Variants in C8orf74 observed in about 807,000 individuals in gnomAD.
C8orf74 encodes uncharacterized protein C8orf74.
C8orf74 carries 29 observed loss-of-function variants against 22.2 expected under a neutral mutation model. The observed-to-expected ratio is 1.31, with a 90% CI of 0.97 to 1.78. The LOEUF (loss-of-function observed/expected upper bound fraction) is 1.78, where lower values mean the gene tolerates loss of function less well. Ranked by LOEUF, C8orf74 falls within the 40% of genes most tolerant of loss-of-function variation. The probability of loss-of-function intolerance (pLI) is 0.00; values close to 1 mark genes in which losing one functional copy is unlikely to be tolerated. For synonymous variants in C8orf74, 255 were observed against 163.1 expected, an observed-to-expected ratio of 1.56 and a Z score of -4.30; for missense variants, 515 against 369.9, an observed-to-expected ratio of 1.39 and a Z score of -3.22.
chr8:10,680,405 T>C (rs1231497076), intron 2 of C8orf74, among the ~76,000 whole-genome samples: 1 of 152,148 alleles, frequency 6.6e-6, no homozygotes, highest in Non-Finnish European at 1.5e-5. Flanking sequence ...ACATAGTAAG[T>C]GCTTAATCAA....
At chr8:10,697,364 G>T (rs1799541896) in intron 2 of C8orf74, among the ~76,000 whole-genome samples, 1 of 152,164 alleles carries the variant, frequency 6.6e-6, no homozygotes, top group Non-Finnish European at 1.5e-5. Context: ...GAGCCTGGAA[G>T]TTGGCGGCTG....
At chr8:10,675,952 C>A (rs1013671079) in intron 2 of C8orf74, 6 of 152,144 alleles carry the variant, frequency 3.9e-5, no homozygotes, top group Non-Finnish European at 7.3e-5. Flanking sequence ...CTGTGGAAAC[C>A]AGAGTGTGGT....
intron 2 of C8orf74, among the ~76,000 whole-genome samples, chr8:10,694,101 C>G (rs1345629422): frequency 1.3e-5 from 2 of 152,176 alleles, no homozygotes; most frequent in African/African-American, 2.4e-5. Context: ...TCTAAGAGGA[C>G]CCGGTCCTGA....
chr8:10,699,526 G>T (rs1388221212), intron 3 of C8orf74, among the ~76,000 whole-genome samples: 2 of 152,242 alleles, frequency 1.3e-5, no homozygotes, highest in Non-Finnish European at 2.9e-5. Context: ...TATGCTGTGT[G>T]GTTGCTCGGG....
At chr8:10,687,328 T>C (rs1483151627) in intron 2 of C8orf74, 1 of 316,280 alleles carries the variant, frequency 3.2e-6, no homozygotes, top group Non-Finnish European at 6.3e-6. Flanking sequence ...TGCAATGGTT[T>C]TTATTAAAAG....
At chr8:10,695,202 C>T (rs1191264780) in intron 2 of C8orf74, among the ~76,000 whole-genome samples, 1 of 152,150 alleles carries the variant, frequency 6.6e-6, no homozygotes, top group African/African-American at 2.4e-5. Flanking sequence ...AGCTGGACAT[C>T]TTACCCCATT....
At chr8:10,682,750 C>T (rs533469202) in intron 2 of C8orf74, among the ~76,000 whole-genome samples, 4 of 152,316 alleles carry the variant, frequency 2.6e-5, no homozygotes, top group East Asian at 3.9e-4. Flanking sequence ...CACCACTCCT[C>T]GGGTGAGCCG....
Position 10,697,973 on chromosome 8 carries a change from C to T in C8orf74, c.616C>T (p.Pro206Ser), listed in dbSNP as rs1304232528. 2.0e-6 allele frequency: 3 copies of T among 1,515,080 alleles called. No homozygotes were observed. The highest frequency in any genetic ancestry group is 2.6e-6 in the Non-Finnish European group (3 of 1,134,580). 93.9% of individuals were successfully genotyped at this position (1,515,080 alleles called of 1,614,324 possible). A position where few individuals can be genotyped will look rare whatever the true frequency, so the allele number is the denominator to read the frequency against. The change falls in exon 3 of 4, where the codon CCT becomes TCT. Residue 206 changes from proline to serine, a missense_variant. Physicochemically the swap from Pro to Ser is moderately conservative, Grantham distance 74. Transcript: ENST00000304519. The stretch of plus-strand genomic sequence containing the variant: ...GCAGAAGGCGTTCGCTGCCGCCGCG[C>T]CTGCGCAGCCCGGCCAGGTCCTGGA... ...SLQKAFAAAA[P>S]AQPGQVLERQ... is the part of the protein sequence containing the mutation.
intron 2 of C8orf74, among the ~76,000 whole-genome samples, chr8:10,680,188 A>G (rs930086444): frequency 2.6e-5 from 4 of 152,242 alleles, no homozygotes; most frequent in African/African-American, 9.6e-5. Context: ...AGCACCGCCA[A>G]TGTGAGAGGC....
At chr8:10,695,501 A>G (rs1277420666) in intron 2 of C8orf74, among the ~76,000 whole-genome samples, 4 of 152,110 alleles carry the variant, frequency 2.6e-5, no homozygotes, top group African/African-American at 9.7e-5. Flanking sequence ...ACATCCTAAC[A>G]TGGCTCCAAG....
rs1197296864 is a variant in C8orf74 at position 10,698,017 on chromosome 8, C to T, written c.648+12C>T. On this transcript the variant is annotated intron_variant, in intron 3 of 3. Coordinates refer to ENST00000304519, the MANE Select transcript of C8orf74 (RefSeq NM_001040032.2). ...TCCTGGAGAGACAGGTGAGGCTCTG[C>T]CCCCCTGCCGTGGGTGGGCACCTGG... 3 of 1,450,594 alleles carry T rather than the reference C, an allele frequency of 2.1e-6. No individual in the cohort carries two copies. The East Asian group carries it at 7.4e-5, about 36-fold the overall frequency. The allele number at this position is 1,450,594 out of a possible 1,614,324, so 89.9% of individuals were successfully genotyped here. A position where few individuals can be genotyped will look rare whatever the true frequency, so the allele number is the denominator to read the frequency against.
chr8:10,696,441 C>CTTTTTTTTTTTTTTTTTT (rs546082377), intron 2 of C8orf74, among the ~76,000 whole-genome samples: 7 of 102,424 alleles, frequency 6.8e-5, no homozygotes, highest in Non-Finnish European at 1.1e-4. Flanking sequence ...CTTTTCTTTT[C>CTTTTTTTTTTTTTTTTTT]TTTTTTTTTT....
At chr8:10,697,215 G>T (rs1431170375) in intron 2 of C8orf74, among the ~76,000 whole-genome samples, 5 of 152,088 alleles carry the variant, frequency 3.3e-5, no homozygotes, top group Non-Finnish European at 5.9e-5. Context: ...GAGGCAGGAG[G>T]ATCGCTTGAG....
At chr8:10,682,673 C>T (rs1799176988) in intron 2 of C8orf74, among the ~76,000 whole-genome samples, 1 of 152,208 alleles carries the variant, frequency 6.6e-6, no homozygotes, top group African/African-American at 2.4e-5. Flanking sequence ...TCCTGACATA[C>T]TGGGGATTAG....
At chr8:10,679,724 G>A (rs945669053) in intron 2 of C8orf74, among the ~76,000 whole-genome samples, 28 of 152,186 alleles carry the variant, frequency 1.8e-4, no homozygotes, top group African/African-American at 4.3e-4. Flanking sequence ...CTGCAGCTGC[G>A]TCCTCTCTGG....
chr8:10,687,966 G>C (rs1238786243), intron 2 of C8orf74, among the ~76,000 whole-genome samples: 2 of 152,188 alleles, frequency 1.3e-5, no homozygotes, highest in Non-Finnish European at 2.9e-5. Context: ...AGCACTTTGG[G>C]AGGCCGAGGT....
intron 2 of C8orf74, among the ~76,000 whole-genome samples, chr8:10,687,874 T>G (rs1172759711): frequency 2.0e-5 from 3 of 152,086 alleles, no homozygotes; most frequent in Non-Finnish European, 4.4e-5. Flanking sequence ...GTGTGCCCAT[T>G]TAACAGCATC....
Position 10,673,116 on chromosome 8 carries a change from AGGACAG to A in C8orf74, c.48+405_48+410del, listed in dbSNP as rs1798951969. On this transcript the variant is annotated intron_variant, in intron 1 of 3. Transcript: ENST00000304519. The stretch of plus-strand genomic sequence containing the variant: ...GTGGAAGAGGAGTCTCTGGGGGCCG[AGGACAG>A]GACTCTAGGCCTCCCTCTGTCACTA... Among the ~76,000 whole-genome samples the A allele has an allele frequency of 3.9e-5, 6 of 152,164 alleles. No homozygotes were observed. The South Asian group carries it at 1.2e-3, about 32-fold the overall frequency.
At chr8:10,686,466 G>T (rs1206793710) in intron 2 of C8orf74, 1 of 152,312 alleles carries the variant, frequency 6.6e-6, no homozygotes, top group African/African-American at 2.4e-5. Flanking sequence ...TTAGCACTGG[G>T]CAGCAACCAC....
Sources: gnomAD v4.1 joint callset for allele counts (sites outside exome capture counted in the v4.1 genomes callset) on GRCh38, gnomAD v4.1.1 for gene constraint, MANE v1.5 for transcripts, NCBI Gene and HGNC (gene_info 2026-07-23, HGNC 2026-07-21) for gene names.